Variants in FBXO11 observed in about 807,000 individuals in gnomAD.
The protein encoded by FBXO11 is F-box only protein 11.
Under a neutral mutation model 117.0 loss-of-function variants are expected in FBXO11, and 13 were observed. The observed-to-expected ratio is 0.11, with a 90% CI of 0.07 to 0.18. FBXO11 has a LOEUF of 0.18. FBXO11 is among the 10% of genes least tolerant of loss of function. The pLI, the probability that FBXO11 is intolerant of heterozygous loss-of-function variation, is 1.00. For synonymous variants in FBXO11, 490 were observed against 380.5 expected (o/e 1.29, Z -3.35); for missense variants, 767 against 1,164.4 (o/e 0.66, Z 4.97).
Position 47,839,784 on chromosome 2 carries a change from A to G in FBXO11, c.233-15T>C. 6.3e-7 allele frequency: 1 copy of G among 1,593,648 alleles called. No individual in the cohort carries two copies. Among genetic ancestry groups the G allele is most frequent in the Non-Finnish European group, 8.5e-7 (1 of 1,174,704 alleles). Reference sequence around the variant, plus strand: ...CACATCATCATCTGTTATAAACAAAAGCAATAAGAAAAATTATACCCTTTT... The same window carrying G: ...CACATCATCATCTGTTATAAACAAAGGCAATAAGAAAAATTATACCCTTTT... On this transcript the variant is annotated splice_polypyrimidine_tract_variant and intron_variant, in intron 1 of 22. Transcript: ENST00000403359.
rs185783643 is a variant in FBXO11 at position 47,880,094 on chromosome 2, C to T, written c.232+25395G>A. Among the ~76,000 whole-genome samples the T allele has an allele frequency of 1.8e-4, 27 of 151,944 alleles. No individual in the cohort carries two copies. The East Asian group carries it at 2.5e-3, about 14-fold the overall frequency. ...TACTGCAGCCTCCACCTTCCAGGCT[C>T]GAGAGATTCTCCCACCACAGCCTCC... On this transcript the variant is annotated intron_variant, in intron 1 of 22. Transcript: ENST00000403359.
intron 1 of FBXO11, among the ~76,000 whole-genome samples, chr2:47,846,992 C>A (rs143335394): frequency 1.3e-5 from 2 of 152,150 alleles, no homozygotes; most frequent in Non-Finnish European, 2.9e-5. Flanking sequence ...CATCTGTAAT[C>A]CCTGCACTTT....
chr2:47,818,589 T>C, intron 16 of FBXO11, 190 bp downstream of exon 16: 2 of 529,258 alleles, frequency 3.8e-6, no homozygotes, highest in Non-Finnish European at 6.8e-6. Context: ...CATGTGCCAG[T>C]GGCTTCTGTC....
At chr2:47,883,686 A>C (rs1286490361) in intron 1 of FBXO11, 2 of 269,966 alleles carry the variant, frequency 7.4e-6, no homozygotes, top group Non-Finnish European at 1.5e-5. Context: ...TGATGTTATC[A>C]AGGAAGAATT....
chr2:47,818,695 A>G (rs1404048328), intron 16 of FBXO11, 84 bp downstream of exon 16: 3 of 850,296 alleles, frequency 3.5e-6, no homozygotes, highest in African/African-American at 1.7e-5. Flanking sequence ...AAGATTGGGC[A>G]TTAAACAATA....
At chr2:47,905,370 T>G in intron 1 of FBXO11, 119 bp downstream of exon 1, 1 of 994,256 alleles carries the variant, frequency 1.0e-6, no homozygotes, top group Non-Finnish European at 1.2e-6. Context: ...CCGCTCAGCT[T>G]GGGTCTCCCA....
At chr2:47,895,849 T>C (rs1019707269) in intron 1 of FBXO11, among the ~76,000 whole-genome samples, 3 of 152,052 alleles carry the variant, frequency 2.0e-5, no homozygotes, top group African/African-American at 7.2e-5. Flanking sequence ...TCTGCCACCA[T>C]ACCCAGCTAG....
chr2:47,816,632 A>C (rs943389216), intron 16 of FBXO11, among the ~76,000 whole-genome samples: 11 of 149,386 alleles, frequency 7.4e-5, no homozygotes, highest in African/African-American at 2.7e-4. Flanking sequence ...TTAAAAATTG[A>C]AATCACTCCT....
intron 17 of FBXO11, 39 bp downstream of exon 17, chr2:47,813,752 G>A: frequency 1.4e-6 from 2 of 1,451,650 alleles, no homozygotes; most frequent in Non-Finnish European, 1.8e-6. Context: ...TATTTCTAAA[G>A]TTTATTAACA....
chr2:47,902,362 A>C (rs541505109), intron 1 of FBXO11, among the ~76,000 whole-genome samples: 1 of 152,356 alleles, frequency 6.6e-6, no homozygotes, highest in East Asian at 1.9e-4. Flanking sequence ...TGAACACAAT[A>C]GTCCATGAAA....
intron 21 of FBXO11, chr2:47,808,678 T>A: frequency 2.6e-6 from 1 of 388,474 alleles, no homozygotes; most frequent in Non-Finnish European, 4.6e-6. Flanking sequence ...TAAAAGCCTC[T>A]CAAATGTTTC....
At chr2:47,836,928 A>T in intron 4 of FBXO11, 1 of 377,936 alleles carries the variant, frequency 2.6e-6, no homozygotes, top group Non-Finnish European at 5.1e-6. Context: ...TGTAGAAATG[A>T]GGTCCCAGTA....
intron 1 of FBXO11, among the ~76,000 whole-genome samples, chr2:47,872,381 A>G (rs1478613010): frequency 3.9e-5 from 6 of 152,174 alleles, no homozygotes; most frequent in African/African-American, 1.4e-4. Flanking sequence ...CTGCACTGCA[A>G]TGGTGTAGTC....
At position 47,906,170 on chromosome 2, in the gene FBXO11, G is replaced by A. The variant is rs1678800845; in HGVS notation, c.-450C>T. 1 of 185,972 alleles carries A rather than the reference G, an allele frequency of 5.4e-6. No homozygotes were observed. The highest frequency in any genetic ancestry group is 6.3e-5 in the Admixed American group (1 of 15,844). 11.5% of individuals were successfully genotyped at this position (185,972 alleles called of 1,614,324 possible). A position where few individuals can be genotyped will look rare whatever the true frequency, so the allele number is the denominator to read the frequency against. ...GGAGTGGGCGGGCGGGTGAGGAAGG[G>A]AGAAAAAGAGAGGGAGAGAAGGGAG... On this transcript the variant is annotated 5_prime_UTR_variant, in exon 1 of 23. Coordinates refer to ENST00000403359, the MANE Select transcript of FBXO11 (RefSeq NM_001190274.2).
chr2:47,865,140 C>T (rs1675098129), intron 1 of FBXO11, among the ~76,000 whole-genome samples: 1 of 152,198 alleles, frequency 6.6e-6, no homozygotes, highest in South Asian at 2.1e-4. Context: ...AAATACCCAT[C>T]AATAAACAAA....
In FBXO11 at chr2:47,832,285, G is replaced by A. The variant is rs1410987769; in HGVS notation, c.1398+64C>T. Reference sequence around the variant, plus strand: ...AATTTGGTGATGAGAAAATAATGCTGAAACATACTTGGAATTTAACTGATA... The same window carrying A: ...AATTTGGTGATGAGAAAATAATGCTAAAACATACTTGGAATTTAACTGATA... On this transcript the variant is annotated intron_variant, in intron 11 of 22. Coordinates refer to ENST00000403359, the MANE Select transcript of FBXO11 (RefSeq NM_001190274.2). 11 of 1,396,170 alleles carry A rather than the reference G, an allele frequency of 7.9e-6. No individual in the cohort carries two copies. In the East Asian group the frequency reaches 2.5e-4, roughly 32 times the overall value. 86.5% of individuals were successfully genotyped at this position (1,396,170 alleles called of 1,614,324 possible).
At chr2:47,842,262 C>T (rs1055014675) in intron 1 of FBXO11, among the ~76,000 whole-genome samples, 3 of 152,136 alleles carry the variant, frequency 2.0e-5, no homozygotes, top group Non-Finnish European at 2.9e-5. Flanking sequence ...GATCTGCCCG[C>T]CTCGGCCTCC....
chr2:47,834,511 A>G, intron 7 of FBXO11, 68 bp downstream of exon 7: 2 of 1,244,844 alleles, frequency 1.6e-6, no homozygotes, highest in Non-Finnish European at 2.2e-6. Context: ...AGTCACTAGC[A>G]TTTTTAAAAT....
At chr2:47,885,907 A>G (rs185186676) in intron 1 of FBXO11, among the ~76,000 whole-genome samples, 2 of 152,158 alleles carry the variant, frequency 1.3e-5, no homozygotes, top group East Asian at 1.9e-4. Flanking sequence ...TAGTTTAAGT[A>G]CCCCCACTAT....
Sources: allele counts gnomAD v4.1 joint callset (sites outside exome capture counted in the v4.1 genomes callset), GRCh38; gene constraint gnomAD v4.1.1; transcripts MANE v1.5; gene names NCBI Gene and HGNC (gene_info 2026-07-23, HGNC 2026-07-21).